ZNF438: variants seen among roughly 807,000 people sequenced by gnomAD.
ZNF438 encodes the protein zinc finger protein 438.
In ZNF438, 25 loss-of-function variants were observed where a neutral mutation model predicts 38.0. The observed-to-expected ratio is 0.66, with a 90% confidence interval of 0.48 to 0.92. The LOEUF is 0.92. Among genes scored for constraint, ZNF438 ranks in the 40% least tolerant of loss-of-function variants. The pLI is 0.00. For missense variants in ZNF438, 1,007 were observed against 999.6 expected, an observed-to-expected ratio of 1.01 and a Z score of -0.10; for synonymous variants, 372 against 364.1, an observed-to-expected ratio of 1.02 and a Z score of -0.25.
intron 3 of ZNF438, among the ~76,000 whole-genome samples, chr10:30,878,128 A>G (rs1221129192): frequency 6.6e-6 from 1 of 152,236 alleles, no homozygotes; most frequent in Non-Finnish European, 1.5e-5. Flanking sequence ...AAGTCAAAGT[A>G]GCCTGAAACC....
intron 1 of ZNF438, among the ~76,000 whole-genome samples, chr10:30,946,964 C>T (rs995018386): frequency 6.6e-5 from 10 of 152,174 alleles, no homozygotes; most frequent in South Asian, 2.1e-4. Context: ...TATTATACCA[C>T]GTCACATACA....
chr10:30,869,366 C>T (rs147765783), intron 4 of ZNF438, among the ~76,000 whole-genome samples: 11,130 of 147,838 alleles, frequency 0.075, 524 homozygotes, highest in Non-Finnish European at 0.11. Context: ...AAGAGCTAAA[C>T]TCCGTCTCAA....
chr10:31,001,855 C>T (rs2054691774), intron 1 of ZNF438, among the ~76,000 whole-genome samples: 3 of 152,206 alleles, frequency 2.0e-5, no homozygotes, highest in Admixed American at 2.0e-4. Flanking sequence ...GTCCCAACCT[C>T]AAGAACTCCC....
chr10:30,887,006 G>A (rs2076353670), intron 3 of ZNF438, among the ~76,000 whole-genome samples: 2 of 152,078 alleles, frequency 1.3e-5, no homozygotes, highest in South Asian at 4.1e-4. Flanking sequence ...CCCTTCCAGG[G>A]CTAGCTAATT....
chr10:30,888,419 T>C (rs1201124955), intron 3 of ZNF438, among the ~76,000 whole-genome samples: 10 of 151,604 alleles, frequency 6.6e-5, no homozygotes, highest in Non-Finnish European at 1.3e-4. Context: ...GTTTGATATA[T>C]AGGTAAACTC....
At chr10:30,935,066 T>C (rs1237526730) in intron 2 of ZNF438, among the ~76,000 whole-genome samples, 2 of 152,228 alleles carry the variant, frequency 1.3e-5, no homozygotes, top group Non-Finnish European at 2.9e-5. Context: ...TCTCTGAAAG[T>C]TCTATTGGTT....
chr10:30,874,147 T>TATATATACATAC (rs2038027215), intron 4 of ZNF438, among the ~76,000 whole-genome samples: 2 of 76,842 alleles, frequency 2.6e-5, no homozygotes, highest in African/African-American at 1.5e-4. Context: ...TATATATATA[T>TATATATACATAC]ATATATATAT....
At chr10:30,913,424 T>C (rs1472797322) in intron 2 of ZNF438, among the ~76,000 whole-genome samples, 1 of 152,074 alleles carries the variant, frequency 6.6e-6, no homozygotes, top group Non-Finnish European at 1.5e-5. Context: ...CTGTTTAAAA[T>C]GCTATTTCTT....
At chr10:30,954,924 G>C (rs573419768) in intron 1 of ZNF438, among the ~76,000 whole-genome samples, 4 of 152,178 alleles carry the variant, frequency 2.6e-5, no homozygotes, top group Admixed American at 6.5e-5. Context: ...TAAATTGAGA[G>C]AGCAAAACCT....
At chr10:30,894,268 TA>T (rs2041059825) in intron 3 of ZNF438, among the ~76,000 whole-genome samples, 1 of 152,160 alleles carries the variant, frequency 6.6e-6, no homozygotes, top group Non-Finnish European at 1.5e-5. Context: ...TTTTTCTGAG[TA>T]AGTTTTTAAG....
chr10:30,917,137 G>A (rs1018949360), intron 2 of ZNF438, among the ~76,000 whole-genome samples: 4 of 151,794 alleles, frequency 2.6e-5, no homozygotes, highest in African/African-American at 4.8e-5. Context: ...GTCAGTTCCC[G>A]TCCCATCCCC....
intron 4 of ZNF438, among the ~76,000 whole-genome samples, chr10:30,867,730 AG>A (rs2036699407): frequency 6.6e-6 from 1 of 152,300 alleles, no homozygotes; most frequent in Admixed American, 6.5e-5. Context: ...TTTTGTTGTT[AG>A]GTTTTATTCC....
At chr10:30,907,109 G>C (rs1361888803) in intron 3 of ZNF438, among the ~76,000 whole-genome samples, 1 of 152,142 alleles carries the variant, frequency 6.6e-6, no homozygotes, top group Non-Finnish European at 1.5e-5. Flanking sequence ...AGAGTAGCTG[G>C]GATCACAGGC....
At chr10:30,922,132 AC>A (rs754380566) in intron 2 of ZNF438, among the ~76,000 whole-genome samples, 119 of 152,290 alleles carry the variant, frequency 7.8e-4, no homozygotes, top group Non-Finnish European at 1.6e-3. Flanking sequence ...CACAGTGAGG[AC>A]ATTTTACTTA....
chr10:30,925,591 T>A (rs1477012650), intron 2 of ZNF438, among the ~76,000 whole-genome samples: 3 of 152,196 alleles, frequency 2.0e-5, no homozygotes, highest in African/African-American at 7.2e-5. Context: ...CACTGGGAAG[T>A]GGTTGCCCAG....
At chr10:30,883,835 C>T (rs1243450968) in intron 3 of ZNF438, among the ~76,000 whole-genome samples, 1 of 152,110 alleles carries the variant, frequency 6.6e-6, no homozygotes, top group African/African-American at 2.4e-5. Context: ...GCAGTGAGCC[C>T]TGACTGTGCC....
chr10:30,870,876 T>C (rs1453427466), intron 4 of ZNF438, among the ~76,000 whole-genome samples: 1 of 152,078 alleles, frequency 6.6e-6, no homozygotes. Flanking sequence ...AGAATTACTA[T>C]CTCCATTGGA....
chr10:30,860,332 T>C (rs2035364958), intron 4 of ZNF438, among the ~76,000 whole-genome samples: 1 of 152,210 alleles, frequency 6.6e-6, no homozygotes, highest in African/African-American at 2.4e-5. Flanking sequence ...TCCACAACTA[T>C]CCATGTTTTG....
At chr10:31,003,930 G>T (rs2054890470) in intron 1 of ZNF438, among the ~76,000 whole-genome samples, 1 of 152,102 alleles carries the variant, frequency 6.6e-6, no homozygotes, top group South Asian at 2.1e-4. Context: ...ATATATGGAA[G>T]AAAAAACAAG....
Sources: allele counts gnomAD v4.1 joint callset (sites outside exome capture counted in the v4.1 genomes callset), GRCh38; gene constraint gnomAD v4.1.1; transcripts MANE v1.5; gene names NCBI Gene and HGNC (gene_info 2026-07-23, HGNC 2026-07-21).